Variants in PEX6 observed in about 807,000 individuals in gnomAD.
PEX6 encodes the protein peroxisome biogenesis factor 6.
A neutral mutation model predicts 85.6 loss-of-function variants in PEX6; 55 were observed. The observed-to-expected ratio is 0.64, with a 90% confidence interval of 0.52 to 0.80. PEX6 has a LOEUF of 0.80. Among genes scored for constraint, PEX6 ranks in the 30% least tolerant of loss-of-function variants. The pLI is 0.00. For missense variants in PEX6, 1,099 were observed against 1,260.3 expected (o/e 0.87, Z 1.94); for synonymous variants, 519 against 549.1 (o/e 0.95, Z 0.77).
chr6:42,977,003 T>A (rs766384707), intron 1 of PEX6, among the ~76,000 whole-genome samples: 4 of 152,122 alleles, frequency 2.6e-5, no homozygotes, highest in Non-Finnish European at 5.9e-5. Flanking sequence ...AGTTCTAAAT[T>A]CGTGGCTGTG....
chr6:42,974,442 G>GTTTTT (rs71855084), intron 2 of PEX6, among the ~76,000 whole-genome samples: 2 of 115,946 alleles, frequency 1.7e-5, no homozygotes, highest in East Asian at 2.5e-4. Context: ...TGTCTGAAAT[G>GTTTTT]TTTTTTTTGT....
At position 42,967,939 on chromosome 6, in the gene PEX6, C is replaced by G. The variant is rs532187629; in HGVS notation, c.1688+351G>C. ...TGAAAAGTAGGAGGGCTGGCCCCCC[C>G]GCTCCCCCTTTTTTTTTTTTTTTTA... On this transcript the variant is annotated intron_variant, in intron 7 of 16. Coordinates refer to ENST00000304611, the MANE Select transcript of PEX6 (RefSeq NM_000287.4). Among the ~76,000 whole-genome samples, 582 of 140,916 alleles carry G rather than the reference C, an allele frequency of 4.1e-3. 4 individuals are homozygous for G. The highest frequency in any genetic ancestry group is 0.015 in the African/African-American group (555 of 38,208). 92.4% of individuals were successfully genotyped at this position (140,916 alleles called of 152,430 possible). A position where few individuals can be genotyped will look rare whatever the true frequency, so the allele number is the denominator to read the frequency against.
chr6:42,973,451 A>G lies in PEX6; in HGVS notation c.1130+552T>C, dbSNP rs138811019. The stretch of plus-strand genomic sequence containing the variant: ...TCTAGCTATATTGCCCAGCCTCCTG[A>G]GTAGCTGGGATTATAAGTATGCACT... On this transcript the variant is annotated intron_variant, in intron 3 of 16. Transcript: ENST00000304611. 3.9e-4 allele frequency among the ~76,000 whole-genome samples: 59 copies of G among 152,272 alleles called. 1 individual carries two copies. In the East Asian group the frequency reaches 0.011, roughly 27 times the overall value.
Position 42,966,350 on chromosome 6 carries a change from A to C in PEX6, c.2192T>G (p.Leu731Arg). The C allele has an allele frequency of 6.2e-7, 1 of 1,613,946 alleles. No homozygotes were observed. The highest frequency in any genetic ancestry group is 8.5e-7 in the Non-Finnish European group (1 of 1,179,998). Residue 731 changes from leucine (L) to arginine (R), a missense_variant, in exon 11 of 17, where the codon CTG becomes CGG. Leu to Arg is a moderately radical substitution (Grantham distance 102). Coordinates refer to ENST00000304611, the MANE Select transcript of PEX6 (RefSeq NM_000287.4). ...IQLPLEHPEL[L>R]SLGLRRSGLL... ...GCCTGAGCGTCTCAGGCCCAGGCTC[A>C]GTAGCTCAGGGTGCTCCAGGGGGAG...
chr6:42,978,663 C>G lies in PEX6; in HGVS notation c.488G>C (p.Arg163Pro), dbSNP rs778791031. 1.3e-4 allele frequency: 200 copies of G among 1,565,176 alleles called. No homozygotes were observed. The highest frequency in any genetic ancestry group is 1.6e-4 in the Non-Finnish European group (185 of 1,162,732). Residue 163 changes from arginine to proline, a missense_variant, in exon 1 of 17, where the codon CGG (arginine) becomes CCG (proline). Transcript: ENST00000304611. ...CCCAGACTCTGGACACAGTCTGGCC[C>G]GCCCGCGGAGCTCAGTCACAGCCAG... ...TRLAVTELRG[R>P]ARLCPESGDS...
chr6:42,969,846 A>AC (rs371320476), intron 4 of PEX6, 39 bp downstream of exon 4: 21 of 1,613,532 alleles, frequency 1.3e-5, no homozygotes, highest in Admixed American at 1.7e-5. Context: ...AATCGTTTCT[A>AC]CCCCCTGCGC....
Position 42,965,545 on chromosome 6 carries a change from C to G in PEX6, c.2471+136G>C. ...TGGACCCTGCCCAATTTCATGGCCC[C>G]TTTCAGCTTCCATTATATTATCTCA... On this transcript the variant is annotated intron_variant, in intron 13 of 16. Coordinates refer to ENST00000304611, the MANE Select transcript of PEX6 (RefSeq NM_000287.4). The surrounding 1 kb of genome is among the most constrained non-coding windows in gnomAD (Gnocchi z 5.0). 1.1e-6 allele frequency: 1 copy of G among 901,176 alleles called. No individual in the cohort carries two copies. Among genetic ancestry groups the G allele is most frequent in the South Asian group, 1.3e-5 (1 of 75,938 alleles). The allele number at this position is 901,176 out of a possible 1,614,324, so 55.8% of individuals were successfully genotyped here.
intron 3 of PEX6, among the ~76,000 whole-genome samples, chr6:42,970,660 C>T (rs1476515687): frequency 6.6e-6 from 1 of 152,124 alleles, no homozygotes; most frequent in Non-Finnish European, 1.5e-5. Context: ...GTTGGCTGTA[C>T]AACCTTATGA....
chr6:42,977,907 G>C (rs1328817836), intron 1 of PEX6, among the ~76,000 whole-genome samples: 4 of 144,146 alleles, frequency 2.8e-5, no homozygotes, highest in Non-Finnish European at 3.0e-5. Context: ...CCAATGGCGC[G>C]ATCTTGGCTC....
At chr6:42,978,143 C>A in intron 1 of PEX6, 126 bp downstream of exon 1, 5 of 1,224,194 alleles carry the variant, frequency 4.1e-6, no homozygotes, top group Middle Eastern at 4.1e-4. Context: ...CCGCGCCCGG[C>A]TAGAAACATT....
At position 42,969,647 on chromosome 6, in the gene PEX6, TG is replaced by T; in HGVS notation, c.1367+20del. ...TTCTAAGCAGGCTTTTCTCACACCC[TG>T]GGGTGATGACCTCACTCACCCTGGC... is the stretch of plus-strand genomic sequence containing the variant. On this transcript the variant is annotated intron_variant, in intron 5 of 16. Coordinates refer to ENST00000304611, the MANE Select transcript of PEX6 (RefSeq NM_000287.4). 6.2e-7 allele frequency: 1 copy of T among 1,611,948 alleles called. No homozygotes were observed. Among genetic ancestry groups the T allele is most frequent in the East Asian group, 2.2e-5 (1 of 44,868 alleles).
chr6:42,978,843 A>G lies in PEX6; in HGVS notation c.308T>C (p.Leu103Pro). The G allele has an allele frequency of 6.6e-7, 1 of 1,514,922 alleles. No individual in the cohort carries two copies. The highest frequency in any genetic ancestry group is 8.8e-7 in the Non-Finnish European group (1 of 1,139,502). The allele number at this position is 1,514,922 out of a possible 1,614,324, so 93.8% of individuals were successfully genotyped here. ...CGAGGTGCCAAGCAGTGCCCAACCT[A>G]GCGCCGGGGGCCGCCGCACCGCCCG... ...RARAVRRPPA[L>P]GWALLGTSLG... The change falls in exon 1 of 17, where the codon CTA (leucine) becomes CCA (proline). Residue 103 changes from leucine (L) to proline (P), a missense_variant. Transcript: ENST00000304611.
In PEX6 at chr6:42,978,310, G is replaced by A. The variant is rs778116257; in HGVS notation, c.841C>T (p.Leu281Phe). 1.8e-5 allele frequency: 29 copies of A among 1,614,226 alleles called. 1 individual carries two copies. The East Asian group carries it at 6.2e-4, about 35-fold the overall frequency. Residue 281 changes from leucine (L) to phenylalanine (F), a missense_variant, in exon 1 of 17, where the codon CTT (leucine) becomes TTT (phenylalanine). Transcript: ENST00000304611. ...CCCATTTCCAGGGGGTCACAGCCAA[G>A]ATTAAAAGCCAAAGTGGCAGGGACA... The part of the protein sequence containing the change: ...ALVPATLAFN[L>F]GCDPLEMGEL...
Position 42,964,430 on chromosome 6 carries a change from C to G in PEX6, c.2848G>C (p.Asp950His). 1 of 1,613,864 alleles carries G rather than the reference C, an allele frequency of 6.2e-7. No homozygotes were observed. Among genetic ancestry groups the G allele is most frequent in the Non-Finnish European group, 8.5e-7 (1 of 1,180,012 alleles). Residue 950 changes from aspartate (D) to histidine (H), a missense_variant, in exon 17 of 17, where the codon GAC (aspartate) becomes CAC (histidine). By Grantham distance (81) the Asp-to-His change is moderately conservative. Coordinates refer to ENST00000304611, the MANE Select transcript of PEX6 (RefSeq NM_000287.4). This position sits in a 1 kb window ranked among gnomAD's most constrained non-coding sequence, Gnocchi z 4.6. ...AGCCGGGCGGCAGCCTGCAGCAAGT[C>G]CTCCATGGTGAGCATCAGTGCTGAG... The part of the protein sequence containing the change: ...GSSALMLTME[D>H]LLQAAARLQP...
At chr6:42,967,081 C>T (rs1042805049) in intron 8 of PEX6, among the ~76,000 whole-genome samples, 1 of 150,156 alleles carries the variant, frequency 6.7e-6, no homozygotes, top group Non-Finnish European at 1.5e-5. Flanking sequence ...GCGATTATCT[C>T]ACCTCAGCCT....
In PEX6 at chr6:42,978,741, C is replaced by A; in HGVS notation, c.410G>T (p.Arg137Leu). ...RGETLPVPGP[R>L]VLETRPALQG... is the part of the protein sequence containing the mutation. ...CAACGCCGGCCGCGTCTCCAGCACC[C>A]GCGGTCCGGGCACTGGGAGGGTCTC... Residue 137 changes from arginine (R) to leucine (L), a missense_variant, in exon 1 of 17, where the codon CGG becomes CTG. Coordinates refer to ENST00000304611, the MANE Select transcript of PEX6 (RefSeq NM_000287.4). 2.0e-6 allele frequency: 3 copies of A among 1,536,920 alleles called. No homozygotes were observed. The highest frequency in any genetic ancestry group is 2.6e-6 in the Non-Finnish European group (3 of 1,147,366).
intron 1 of PEX6, among the ~76,000 whole-genome samples, 157 bp from the exon 2 acceptor site, chr6:42,975,195 C>T (rs960195567): frequency 6.6e-6 from 1 of 152,190 alleles, no homozygotes; most frequent in Admixed American, 6.5e-5. Context: ...GAAAACCTCT[C>T]CCTCTAATGG....
intron 3 of PEX6, 128 bp downstream of exon 3, chr6:42,973,875 C>T: frequency 1.4e-6 from 1 of 716,926 alleles, no homozygotes; most frequent in South Asian, 1.5e-5. Flanking sequence ...CACACACACG[C>T]ACACACAAAA....
chr6:42,978,838 A>G lies in PEX6; in HGVS notation c.313T>C (p.Trp105Arg), dbSNP rs1455060721. ...CCCAGCGAGGTGCCAAGCAGTGCCC[A>G]ACCTAGCGCCGGGGGCCGCCGCACC... ...RAVRRPPALG[W>R]ALLGTSLGPG... Residue 105 changes from tryptophan to arginine, a missense_variant, in exon 1 of 17, where the codon TGG (tryptophan) becomes CGG (arginine). By Grantham distance (101) the Trp-to-Arg change is moderately radical (BLOSUM62 -3). Around this residue, in one of 3 missense-constraint regions of PEX6, gnomAD observed 579 missense variants for 611.6 expected, o/e 0.95. Transcript: ENST00000304611. 3 of 1,517,362 alleles carry G rather than the reference A, an allele frequency of 2.0e-6. No individual in the cohort carries two copies. The highest frequency in any genetic ancestry group is 2.6e-6 in the Non-Finnish European group (3 of 1,140,504). The allele number at this position is 1,517,362 out of a possible 1,614,324, so 94.0% of individuals were successfully genotyped here. A position where few individuals can be genotyped will look rare whatever the true frequency, so the allele number is the denominator to read the frequency against.
Sources: allele counts gnomAD v4.1 joint callset (sites outside exome capture counted in the v4.1 genomes callset), GRCh38; gene constraint gnomAD v4.1.1; regional missense constraint gnomAD v4.1.1; non-coding constraint Gnocchi (gnomAD v3.1); transcripts MANE v1.5; gene names NCBI Gene and HGNC (gene_info 2026-07-23, HGNC 2026-07-21).